SYTL2: variants seen among roughly 807,000 people sequenced by gnomAD.
SYTL2 encodes synaptotagmin like 2.
In SYTL2, 165 loss-of-function variants were observed where a neutral mutation model predicts 198.7. The ratio of observed to expected loss-of-function variants is 0.83; its 90% CI spans 0.73 to 0.94. SYTL2 has a LOEUF of 0.94. Among genes scored for constraint, SYTL2 ranks in the 40% least tolerant of loss-of-function variants. The pLI, the probability that SYTL2 is intolerant of heterozygous loss-of-function variation, is 0.00. For synonymous variants in SYTL2, 966 were observed against 917.7 expected, an observed-to-expected ratio of 1.05 and a Z score of -0.95; for missense variants, 2,835 against 2,582.8, an observed-to-expected ratio of 1.10 and a Z score of -2.12.
In SYTL2 at chr11:85,727,294, A is replaced by G; in HGVS notation, c.2064T>C (p.Asn688=). The change falls in exon 8 of 20, where the codon AAT becomes AAC. Residue 688 remains asparagine (N), a synonymous_variant. Coordinates refer to ENST00000359152, the MANE Select transcript of SYTL2 (RefSeq NM_206927.4). ...CTTCTTCACCCAAGTTGCCAATATTATTAGTGTTGCATGGAACTTGGTTTT... is the reference window on the plus strand; with the variant it reads ...CTTCTTCACCCAAGTTGCCAATATTGTTAGTGTTGCATGGAACTTGGTTTT... ...DAENQVPCNT[N]NIGNLGEEEP... 1 of 1,535,594 alleles carries G rather than the reference A, an allele frequency of 6.5e-7. No homozygotes were observed. The highest frequency in any genetic ancestry group is 1.2e-5 in the South Asian group (1 of 83,908).
chr11:85,754,515 T>C (rs2091742062), intron 2 of SYTL2, among the ~76,000 whole-genome samples: 3 of 152,310 alleles, frequency 2.0e-5, no homozygotes, highest in Admixed American at 6.5e-5. Context: ...TTTAATTTAA[T>C]TGACAAATAA....
intron 1 of SYTL2, among the ~76,000 whole-genome samples, chr11:85,783,851 T>C (rs1259850451): frequency 1.3e-5 from 2 of 152,180 alleles, no homozygotes; most frequent in Admixed American, 1.3e-4. Context: ...TCCAGGTGGC[T>C]TGGGTTGTAC....
the SYTL2 span, among the ~76,000 whole-genome samples, chr11:85,820,462 C>CT: frequency 4.6e-5 from 7 of 152,182 alleles, no homozygotes; most frequent in Non-Finnish European, 8.8e-5. Flanking sequence ...GAAAAAGAAT[C>CT]TATTTTCCAC....
the SYTL2 span, among the ~76,000 whole-genome samples, chr11:85,849,388 T>C: frequency 2.0e-5 from 3 of 152,210 alleles, no homozygotes; most frequent in Non-Finnish European, 4.4e-5. Context: ...TGAATGGTAA[T>C]GCCTAGGTTT....
chr11:85,795,862 G>T (rs2092796672), intron 1 of SYTL2, among the ~76,000 whole-genome samples: 1 of 152,028 alleles, frequency 6.6e-6, no homozygotes, highest in African/African-American at 2.4e-5. Flanking sequence ...TGCAAATAGT[G>T]CTGGGAAGGC....
intron 1 of SYTL2, among the ~76,000 whole-genome samples, chr11:85,787,240 T>C (rs1201026754): frequency 6.6e-6 from 1 of 152,164 alleles, no homozygotes; most frequent in Non-Finnish European, 1.5e-5. Context: ...TGGGATAATA[T>C]TTATTTCTGC....
Position 85,799,497 on chromosome 11 carries a change from C to T in SYTL2, c.-390+11457G>A, listed in dbSNP as rs143808953. ...AGAAACAGGGTTAGGAAGAGCTCAACAAAAGGGACTAAAAGTCCATAAAAA... is the reference window on the plus strand; with the variant it reads ...AGAAACAGGGTTAGGAAGAGCTCAATAAAAGGGACTAAAAGTCCATAAAAA... On this transcript the variant is annotated intron_variant, in intron 1 of 19. Coordinates refer to ENST00000359152, the MANE Select transcript of SYTL2 (RefSeq NM_206927.4). Among the ~76,000 whole-genome samples, 5 of 152,252 alleles carry T rather than the reference C, an allele frequency of 3.3e-5. No homozygotes were observed. The East Asian group carries it at 9.6e-4, about 29-fold the overall frequency.
At chr11:85,721,052 G>C (rs1395650989) in intron 8 of SYTL2, 93 bp from the exon 9 acceptor site, 3 of 722,660 alleles carry the variant, frequency 4.2e-6, no homozygotes, top group Admixed American at 2.7e-5. Context: ...GCTGAAAAGA[G>C]ACATTATGCT....
chr11:85,710,400 A>G (rs1180301345), intron 13 of SYTL2, among the ~76,000 whole-genome samples: 1 of 152,228 alleles, frequency 6.6e-6, no homozygotes, highest in Non-Finnish European at 1.5e-5. Context: ...AAAAGGTTTC[A>G]GAAACACAAG....
At chr11:85,852,867 C>T in the SYTL2 span, 30 of 241,048 alleles carry the variant, frequency 1.2e-4, no homozygotes, top group Admixed American at 3.0e-4. Context: ...CCTCTGCCCG[C>T]CTGCCCAGTC....
upstream of SYTL2, among the ~76,000 whole-genome samples, chr11:85,814,104 G>A (rs2093058728): frequency 6.6e-6 from 1 of 152,144 alleles, no homozygotes; most frequent in Non-Finnish European, 1.5e-5. Context: ...AACACATATA[G>A]CATATTGCCT....
At chr11:85,782,092 C>T (rs1252157913) in intron 1 of SYTL2, among the ~76,000 whole-genome samples, 1 of 152,212 alleles carries the variant, frequency 6.6e-6, no homozygotes, top group East Asian at 1.9e-4. Context: ...AGAGTCCCAC[C>T]CCTGCAGAAA....
intron 1 of SYTL2, among the ~76,000 whole-genome samples, chr11:85,798,975 C>G (rs933907447): frequency 6.6e-6 from 1 of 152,164 alleles, no homozygotes; most frequent in African/African-American, 2.4e-5. Context: ...CTAATGCCAG[C>G]CAAAGGCCAA....
chr11:85,808,150 T>G (rs1448474740), intron 1 of SYTL2, among the ~76,000 whole-genome samples: 1 of 152,102 alleles, frequency 6.6e-6, no homozygotes, highest in African/African-American at 2.4e-5. Context: ...CACTGCAACC[T>G]CCGCCTCCCG....
intron 2 of SYTL2, 50 bp from the exon 3 acceptor site, chr11:85,748,473 T>A: frequency 6.3e-7 from 1 of 1,592,482 alleles, no homozygotes; most frequent in Non-Finnish European, 8.6e-7. Context: ...AGTAAATAAA[T>A]GAGTTCATTA....
chr11:85,773,319 G>A (rs905111269), intron 1 of SYTL2, among the ~76,000 whole-genome samples: 5 of 152,116 alleles, frequency 3.3e-5, no homozygotes, highest in East Asian at 1.9e-4. Flanking sequence ...CATTTCTCCC[G>A]ACACAGTACC....
At chr11:85,709,550 C>A in intron 13 of SYTL2, 50 bp from the exon 14 acceptor site, 1 of 1,553,460 alleles carries the variant, frequency 6.4e-7, no homozygotes, top group Non-Finnish European at 8.8e-7. Context: ...ATTCTTAAAC[C>A]TAGCACAAGG....
At chr11:85,817,727 G>T in the SYTL2 span, among the ~76,000 whole-genome samples, 2 of 152,000 alleles carry the variant, frequency 1.3e-5, no homozygotes, top group African/African-American at 4.8e-5. Context: ...TCCAGAGAGG[G>T]ACTTGTGAGT....
At chr11:85,829,052 T>G in the SYTL2 span, among the ~76,000 whole-genome samples, 5 of 140,932 alleles carry the variant, frequency 3.5e-5, no homozygotes, top group East Asian at 2.1e-4. Context: ...GAGCTCTGTT[T>G]TTTTTTTTTT....
Sources: gnomAD v4.1 joint callset for allele counts (sites outside exome capture counted in the v4.1 genomes callset) on GRCh38, gnomAD v4.1.1 for gene constraint, MANE v1.5 for transcripts, NCBI Gene and HGNC (gene_info 2026-07-23, HGNC 2026-07-21) for gene names.